The following SUDS3 variants were observed in gnomAD, a reference collection of about 807,000 sequenced individuals.
SUDS3 encodes the protein sin3 histone deacetylase corepressor complex component SDS3.
Under a neutral mutation model 53.5 loss-of-function variants are expected in SUDS3, and 23 were observed. The ratio of observed to expected loss-of-function variants is 0.43; its 90% CI spans 0.31 to 0.61. The LOEUF (loss-of-function observed/expected upper bound fraction) is 0.61. Among genes scored for constraint, SUDS3 ranks in the 20% least tolerant of loss-of-function variants. The pLI is 0.10. For missense variants in SUDS3, 291 were observed against 405.9 expected (o/e 0.72, Z 2.43); for synonymous variants, 150 against 148.5 (o/e 1.01, Z -0.08).
intron 10 of SUDS3, 28 bp downstream of exon 10, chr12:118,403,545 AAG>A: frequency 6.3e-7 from 1 of 1,575,606 alleles, no homozygotes; most frequent in Non-Finnish European, 8.7e-7. Context: ...CTGGACTAGT[AAG>A]AGTCTCATAT....
Position 118,376,563 on chromosome 12 carries a change from G to A in SUDS3, c.-129G>A, listed in dbSNP as rs1365363958. 1.7e-6 allele frequency: 2 copies of A among 1,185,974 alleles called. No homozygotes were observed. Among genetic ancestry groups the A allele is most frequent in the Non-Finnish European group, 1.1e-6 (1 of 939,588 alleles). 73.5% of individuals were successfully genotyped at this position (1,185,974 alleles called of 1,614,324 possible). ...GGGGGGCGGAGCTCGGCGGAGACGG[G>A]GAAGGGGTCGCCGTGGCTGCCGGTC... On this transcript the variant is annotated 5_prime_UTR_variant, in exon 1 of 12. Coordinates refer to ENST00000543473, the MANE Select transcript of SUDS3 (RefSeq NM_022491.3).
At chr12:118,381,724 G>T (rs566894689) in intron 2 of SUDS3, among the ~76,000 whole-genome samples, 6 of 152,144 alleles carry the variant, frequency 3.9e-5, no homozygotes, top group African/African-American at 1.2e-4. Flanking sequence ...GTCCACGTTT[G>T]CACCTGCTCT....
chr12:118,403,347 T>C, intron 9 of SUDS3, 65 bp from the exon 10 acceptor site: 1 of 1,227,100 alleles, frequency 8.1e-7, no homozygotes, highest in Non-Finnish European at 1.2e-6. Context: ...AATTAAAGCA[T>C]GTTAACTGGT....
In SUDS3 at chr12:118,408,810, G is replaced by GGT. The variant is rs1566210190; in HGVS notation, c.804-2262_804-2261dup. 2.6e-5 allele frequency among the ~76,000 whole-genome samples: 4 copies of GGT among 152,142 alleles called. 1 individual carries two copies. In the South Asian group the frequency reaches 8.3e-4, roughly 32 times the overall value. ...GAAAGTTGTATCAGAATGACTTGAGGGTAGTTGCATTTTGTTTTGTGTCTT... is the reference window on the plus strand; with the variant it reads ...GAAAGTTGTATCAGAATGACTTGAGGGTGTAGTTGCATTTTGTTTTGTGTCTT... On this transcript the variant is annotated intron_variant, in intron 10 of 11. Transcript: ENST00000543473.
In SUDS3 at chr12:118,407,055, C is replaced by T. The variant is rs767952540; in HGVS notation, c.803+3538C>T. 2.6e-5 allele frequency among the ~76,000 whole-genome samples: 4 copies of T among 151,838 alleles called. 1 individual carries two copies. Among genetic ancestry groups the T allele is most frequent in the Admixed American group, 1.3e-4 (2 of 15,240 alleles). On this transcript the variant is annotated intron_variant, in intron 10 of 11. Transcript: ENST00000543473. The stretch of plus-strand genomic sequence containing the variant: ...GGGACTACAGTCCTCCATTACCATG[C>T]CTGGCTAATGTTTTTTTGATTTTTA...
rs754156551 is a variant in SUDS3 at position 118,414,380 on chromosome 12, C to T, written c.934C>T (p.Leu312=). The T allele has an allele frequency of 1.0e-5, 16 of 1,606,452 alleles. No individual in the cohort carries two copies. Among genetic ancestry groups the T allele is most frequent in the South Asian group, 4.5e-5 (4 of 89,228 alleles). The part of the protein sequence containing the change: ...TSDSTKMRIY[L]GQLQRGLFVI... The stretch of plus-strand genomic sequence containing the variant: ...TGACAGCACCAAGATGAGGATCTAC[C>T]TGGGCCAGCTTCAGCGCGGGCTCTT... The change falls in exon 12 of 12, where the codon CTG becomes TTG. Residue 312 remains leucine, a synonymous_variant. Coordinates refer to ENST00000543473, the MANE Select transcript of SUDS3 (RefSeq NM_022491.3).
At chr12:118,388,751 G>C (rs1207377619) in intron 4 of SUDS3, among the ~76,000 whole-genome samples, 2 of 152,168 alleles carry the variant, frequency 1.3e-5, no homozygotes, top group Non-Finnish European at 2.9e-5. Flanking sequence ...AGCAGAGCTT[G>C]GTGGCCTGAC....
Position 118,416,216 on chromosome 12 carries a change from G to A in SUDS3, c.*1783G>A, listed in dbSNP as rs2141400573. On this transcript the variant is annotated 3_prime_UTR_variant, in exon 12 of 12. Coordinates refer to ENST00000543473, the MANE Select transcript of SUDS3 (RefSeq NM_022491.3). ...GGTTTTCATGTAGTGCCCTGCGATG[G>A]AAATTAGATATATTTCATGTATTTT... 6.6e-6 allele frequency: 1 copy of A among 152,280 alleles called. No individual in the cohort carries two copies. The highest frequency in any genetic ancestry group is 2.4e-5 in the African/African-American group (1 of 41,554). The allele number at this position is 152,280 out of a possible 1,614,324, so 9.4% of individuals were successfully genotyped here. A position where few individuals can be genotyped will look rare whatever the true frequency, so the allele number is the denominator to read the frequency against.
intron 10 of SUDS3, among the ~76,000 whole-genome samples, chr12:118,407,780 G>A (rs753962540): frequency 1.3e-4 from 19 of 150,798 alleles, no homozygotes; most frequent in Admixed American, 2.0e-4. Context: ...GTGCAGTGGC[G>A]CAATCTTGGC....
At chr12:118,405,576 A>G (rs1198369891) in intron 10 of SUDS3, among the ~76,000 whole-genome samples, 9 of 152,204 alleles carry the variant, frequency 5.9e-5, no homozygotes, top group Admixed American at 5.9e-4. Flanking sequence ...TTTCAGTGAA[A>G]TTGAAATTGC....
chr12:118,386,012 A>G lies in SUDS3; in HGVS notation c.269-102A>G, dbSNP rs1039408099. 5.5e-6 allele frequency: 5 copies of G among 906,166 alleles called. No individual in the cohort carries two copies. In the East Asian group the frequency reaches 1.3e-4, roughly 24 times the overall value. 56.1% of individuals were successfully genotyped at this position (906,166 alleles called of 1,614,324 possible). On this transcript the variant is annotated intron_variant, in intron 3 of 11. Coordinates refer to ENST00000543473, the MANE Select transcript of SUDS3 (RefSeq NM_022491.3). ...CTGAGGTGTGTCTTCCTTTGGTGTT[A>G]CTGAAACAGTCAGTGTTGATGCTAG...
rs536862850 is a variant in SUDS3, at chr12:118,392,196, T to C, written c.517+914T>C. ...AATTTAACTCTTACAATTCGGAAAG[T>C]GCTGGGGCTCTGGTGTGTCTGATTT... On this transcript the variant is annotated intron_variant, in intron 6 of 11. Transcript: ENST00000543473. 2.6e-5 allele frequency among the ~76,000 whole-genome samples: 4 copies of C among 152,364 alleles called. No homozygotes were observed. In the South Asian group the frequency reaches 8.3e-4, roughly 32 times the overall value.
At chr12:118,378,477 GTAAT>G (rs750652452) in intron 1 of SUDS3, among the ~76,000 whole-genome samples, 2 of 149,974 alleles carry the variant, frequency 1.3e-5, no homozygotes, top group African/African-American at 4.9e-5. Flanking sequence ...GATATTGTAA[GTAAT>G]CTTTTTTTTT....
At chr12:118,390,971 C>T (rs192796676) in intron 5 of SUDS3, 155 bp from the exon 6 acceptor site, 24 of 857,576 alleles carry the variant, frequency 2.8e-5, no homozygotes, top group South Asian at 1.7e-4. Flanking sequence ...TTTATACCCT[C>T]GCTGGAAAGC....
chr12:118,389,278 G>A (rs1202368421), intron 4 of SUDS3, among the ~76,000 whole-genome samples: 2 of 151,920 alleles, frequency 1.3e-5, no homozygotes, highest in African/African-American at 4.8e-5. Flanking sequence ...GTCTTCCACC[G>A]AACTGGTCCC....
chr12:118,386,283 A>G (rs2046114155), intron 4 of SUDS3, 98 bp downstream of exon 4: 2 of 927,580 alleles, frequency 2.2e-6, no homozygotes, highest in East Asian at 2.7e-5. Context: ...TCCAAAACAT[A>G]TCCCAGATAC....
At chr12:118,386,007 G>A (rs373912124) in intron 3 of SUDS3, 107 bp from the exon 4 acceptor site, 168 of 870,564 alleles carry the variant, frequency 1.9e-4, no homozygotes, top group Admixed American at 4.2e-4. Context: ...TCTTCCTTTG[G>A]TGTTACTGAA....
In SUDS3 at chr12:118,400,761, A is replaced by G; in HGVS notation, c.613+7A>G. 1.2e-6 allele frequency: 2 copies of G among 1,613,522 alleles called. No individual in the cohort carries two copies. Among genetic ancestry groups the G allele is most frequent in the South Asian group, 1.1e-5 (1 of 91,076 alleles). ...AGGAGGAAACCTGCTCCAGATATCC[A>G]TTTACATCAAGCCTTAACCGCCTTT... On this transcript the variant is annotated splice_region_variant and intron_variant, in intron 7 of 11. Coordinates refer to ENST00000543473, the MANE Select transcript of SUDS3 (RefSeq NM_022491.3).
At chr12:118,400,632 G>A in intron 6 of SUDS3, 27 bp from the exon 7 acceptor site, 1 of 1,607,730 alleles carries the variant, frequency 6.2e-7, no homozygotes, top group Non-Finnish European at 8.5e-7. Context: ...GAGTTGGATA[G>A]ATTTACCCAT....
Sources: gnomAD v4.1 joint callset for allele counts (sites outside exome capture counted in the v4.1 genomes callset) on GRCh38, gnomAD v4.1.1 for gene constraint, MANE v1.5 for transcripts, NCBI Gene and HGNC (gene_info 2026-07-23, HGNC 2026-07-21) for gene names.